The following RASEF variants were observed in gnomAD, a reference collection of about 807,000 sequenced individuals.
The protein encoded by RASEF is ras and EF-hand domain-containing protein.
A neutral mutation model predicts 90.1 loss-of-function variants in RASEF; 68 were observed. The observed-to-expected ratio is 0.75, with a 90% CI of 0.62 to 0.92. RASEF has a LOEUF of 0.92. RASEF is among the 40% of genes least tolerant of loss of function. RASEF has a pLI of 0.00. For synonymous variants in RASEF, 331 were observed against 345.2 expected, an observed-to-expected ratio of 0.96 and a Z score of 0.46; for missense variants, 949 against 937.2, an observed-to-expected ratio of 1.01 and a Z score of -0.16.
the RASEF span, among the ~76,000 whole-genome samples, chr9:83,178,829 T>C: frequency 6.6e-6 from 1 of 152,166 alleles, no homozygotes; most frequent in African/African-American, 2.4e-5. Context: ...AGAAATGGGT[T>C]TCCTTCCACA....
the RASEF span, among the ~76,000 whole-genome samples, chr9:83,098,173 C>A: frequency 6.6e-6 from 1 of 152,114 alleles, no homozygotes; most frequent in African/African-American, 2.4e-5. Flanking sequence ...ATACAATCAG[C>A]AACTAAGAGA....
chr9:83,115,221 A>C, the RASEF span, among the ~76,000 whole-genome samples: 1 of 152,226 alleles, frequency 6.6e-6, no homozygotes, highest in African/African-American at 2.4e-5. Flanking sequence ...CTATGTTGAA[A>C]TATTGGGGGT....
intron 3 of RASEF, among the ~76,000 whole-genome samples, chr9:83,016,509 AT>A (rs1829345802): frequency 6.6e-6 from 1 of 152,074 alleles, no homozygotes; most frequent in Non-Finnish European, 1.5e-5. Context: ...CTTTTAATAA[AT>A]GATACAATTT....
At chr9:83,047,818 T>C (rs1304803146) in intron 1 of RASEF, among the ~76,000 whole-genome samples, 2 of 152,210 alleles carry the variant, frequency 1.3e-5, no homozygotes, top group African/African-American at 4.8e-5. Flanking sequence ...TAAGTTAGGA[T>C]GTCATGGAAC....
At position 82,993,189 on chromosome 9, in the gene RASEF, T is replaced by C. The variant is rs567290612; in HGVS notation, c.1921-164A>G. Among the ~76,000 whole-genome samples, 283 of 152,294 alleles carry C rather than the reference T, an allele frequency of 1.9e-3. 1 individual carries two copies. Among genetic ancestry groups the C allele is most frequent in the African/African-American group, 6.7e-3 (277 of 41,568 alleles). ...CTCAAAGTATCTCTAAAAACAGCCA[T>C]ACATTTTCCCATTCACAGAAGAGAA... On this transcript the variant is annotated intron_variant, in intron 14 of 16. Transcript: ENST00000376447.
the RASEF span, among the ~76,000 whole-genome samples, chr9:83,190,901 T>G: frequency 6.6e-6 from 1 of 152,178 alleles, no homozygotes; most frequent in African/African-American, 2.4e-5. Flanking sequence ...CCAAGTGACT[T>G]TCCTTCTCAA....
chr9:83,086,879 A>C, the RASEF span, among the ~76,000 whole-genome samples: 29 of 152,238 alleles, frequency 1.9e-4, no homozygotes, highest in Admixed American at 1.4e-3. Context: ...CTAATCTCAG[A>C]AGTGAGATAC....
chr9:83,104,433 G>A, the RASEF span, among the ~76,000 whole-genome samples: 212 of 152,184 alleles, frequency 1.4e-3, no homozygotes, highest in Non-Finnish European at 2.5e-3. Context: ...GAGAGCTTGC[G>A]AGAAACATTG....
chr9:83,194,112 G>A, the RASEF span, among the ~76,000 whole-genome samples: 1 of 152,192 alleles, frequency 6.6e-6, no homozygotes, highest in Non-Finnish European at 1.5e-5. Context: ...TCACGACTAA[G>A]AAACCAGCAT....
intron 1 of RASEF, among the ~76,000 whole-genome samples, chr9:83,043,028 T>G (rs1423839122): frequency 6.6e-6 from 1 of 151,696 alleles, no homozygotes; most frequent in Non-Finnish European, 1.5e-5. Context: ...AAAGCTAGAC[T>G]TCATATGATG....
At chr9:83,196,118 A>C in the RASEF span, among the ~76,000 whole-genome samples, 2 of 152,122 alleles carry the variant, frequency 1.3e-5, no homozygotes, top group African/African-American at 4.8e-5. Flanking sequence ...GGAGAACTAC[A>C]AGAGGGGCAG....
At chr9:83,196,669 C>G in the RASEF span, among the ~76,000 whole-genome samples, 1 of 152,200 alleles carries the variant, frequency 6.6e-6, no homozygotes, top group African/African-American at 2.4e-5. Context: ...AGCTGTGCTG[C>G]TGCATAATAA....
the RASEF span, among the ~76,000 whole-genome samples, chr9:83,199,972 T>C: frequency 5.9e-5 from 9 of 152,164 alleles, no homozygotes; most frequent in Non-Finnish European, 1.2e-4. Context: ...GGCCTGTCTG[T>C]TGGTATGGAA....
At chr9:83,168,839 A>T in the RASEF span, among the ~76,000 whole-genome samples, 2 of 152,098 alleles carry the variant, frequency 1.3e-5, no homozygotes, top group Non-Finnish European at 2.9e-5. Context: ...TGTACTGGGG[A>T]CATTTCAAGC....
intron 15 of RASEF, 45 bp from the exon 16 acceptor site, chr9:82,990,512 G>A (rs1351170981): frequency 4.3e-6 from 6 of 1,403,962 alleles, no homozygotes; most frequent in Non-Finnish European, 5.0e-6. Flanking sequence ...CCTTCATTGA[G>A]TTTCCTGAAA....
At chr9:83,035,001 T>TC (rs1829714332) in intron 1 of RASEF, among the ~76,000 whole-genome samples, 2 of 152,262 alleles carry the variant, frequency 1.3e-5, no homozygotes, top group Admixed American at 1.3e-4. Context: ...TTGTCTCCTG[T>TC]CCATGTCTGG....
chr9:83,171,517 T>C, the RASEF span, among the ~76,000 whole-genome samples: 1 of 151,870 alleles, frequency 6.6e-6, no homozygotes, highest in Admixed American at 6.6e-5. Flanking sequence ...TTAGTTCTTC[T>C]TGAAATGTTT....
chr9:83,153,317 AT>A, the RASEF span, among the ~76,000 whole-genome samples: 1 of 152,116 alleles, frequency 6.6e-6, no homozygotes, highest in Non-Finnish European at 1.5e-5. Context: ...CAAGGCACTT[AT>A]TAAATGGTAT....
rs143499542 is a variant in RASEF at position 83,036,366 on chromosome 9, G to T, written c.432-10445C>A. ...ATGTGCAAAATGCTGCCAGGCAGCC[G>T]TGTGGTCAAGTCAGTGGGAAATTGG... On this transcript the variant is annotated intron_variant, in intron 1 of 16. Coordinates refer to ENST00000376447, the MANE Select transcript of RASEF (RefSeq NM_152573.4). Among the ~76,000 whole-genome samples the T allele has an allele frequency of 9.8e-5, 15 of 152,344 alleles. No individual in the cohort carries two copies. In the East Asian group the frequency reaches 2.9e-3, roughly 29 times the overall value.
Sources: gnomAD v4.1 joint callset for allele counts (sites outside exome capture counted in the v4.1 genomes callset) on GRCh38, gnomAD v4.1.1 for gene constraint, MANE v1.5 for transcripts, NCBI Gene and HGNC (gene_info 2026-07-23, HGNC 2026-07-21) for gene names.